SPIRE1: variants seen among roughly 807,000 people sequenced by gnomAD.
The protein encoded by SPIRE1 is protein spire homolog 1.
A neutral mutation model predicts 94.1 loss-of-function variants in SPIRE1; 40 were observed. The observed-to-expected ratio is 0.43, with a 90% CI of 0.33 to 0.55. The LOEUF (loss-of-function observed/expected upper bound fraction) is 0.55. Among genes scored for constraint, SPIRE1 ranks in the 20% least tolerant of loss-of-function variants. The pLI, the probability that SPIRE1 is intolerant of heterozygous loss-of-function variation, is 0.06. For missense variants in SPIRE1, 838 were observed against 975.2 expected (o/e 0.86, Z 1.87); for synonymous variants, 376 against 371.7 (o/e 1.01, Z -0.13).
intron 9 of SPIRE1, 122 bp downstream of exon 9, chr18:12,485,837 C>T (rs758378101): frequency 2.4e-5 from 17 of 717,496 alleles, no homozygotes; most frequent in South Asian, 5.1e-5. Flanking sequence ...TTACTGACCA[C>T]GGCTTAGCAG....
chr18:12,458,370 G>A (rs991697705), intron 12 of SPIRE1, among the ~76,000 whole-genome samples: 6 of 151,712 alleles, frequency 4.0e-5, no homozygotes, highest in African/African-American at 1.5e-4. Context: ...CCAGCACTTT[G>A]GGAGGCCGAG....
intron 8 of SPIRE1, 132 bp downstream of exon 8, chr18:12,492,940 G>A (rs1263206558): frequency 1.9e-6 from 2 of 1,029,108 alleles, no homozygotes; most frequent in Non-Finnish European, 2.8e-6. Flanking sequence ...GAGAGTGAGA[G>A]GGAGAACAAG....
chr18:12,622,418 A>G (rs1376307381), intron 2 of SPIRE1, among the ~76,000 whole-genome samples: 3 of 105,830 alleles, frequency 2.8e-5, no homozygotes, highest in Non-Finnish European at 6.5e-5. Context: ...AGCTATGTCC[A>G]GTCTTTTTTT....
At chr18:12,467,214 G>A (rs1179913495) in intron 10 of SPIRE1, among the ~76,000 whole-genome samples, 1 of 152,106 alleles carries the variant, frequency 6.6e-6, no homozygotes, top group African/African-American at 2.4e-5. Flanking sequence ...GGAGGTGGAG[G>A]TTGCAGTGAG....
chr18:12,477,106 C>G (rs184466643), intron 10 of SPIRE1, among the ~76,000 whole-genome samples: 1 of 152,182 alleles, frequency 6.6e-6, no homozygotes, highest in Admixed American at 6.5e-5. Context: ...AAAAGAGGAC[C>G]ACAAAGAAGG....
chr18:12,525,276 C>CAAAAAA (rs1170791088), intron 4 of SPIRE1, among the ~76,000 whole-genome samples: 91 of 71,370 alleles, frequency 1.3e-3, no homozygotes, highest in South Asian at 1.6e-3. Context: ...GACTCCGTCT[C>CAAAAAA]AAAAAAAAAA....
chr18:12,600,472 CTG>C (rs2036801183), intron 2 of SPIRE1, among the ~76,000 whole-genome samples: 1 of 151,866 alleles, frequency 6.6e-6, no homozygotes, highest in African/African-American at 2.4e-5. Context: ...TCTTTTGAAA[CTG>C]TTAATATCAT....
chr18:12,474,127 A>G (rs774127799), intron 10 of SPIRE1, among the ~76,000 whole-genome samples: 6 of 152,256 alleles, frequency 3.9e-5, no homozygotes, highest in Non-Finnish European at 8.8e-5. Context: ...ATTTACATAC[A>G]CGTGACAGCA....
intron 2 of SPIRE1, among the ~76,000 whole-genome samples, chr18:12,565,801 C>A (rs542882809): frequency 3.7e-4 from 56 of 151,870 alleles, no homozygotes; most frequent in Non-Finnish European, 5.6e-4. Flanking sequence ...TTTGGGAGGC[C>A]GAGGCAGGCA....
intron 4 of SPIRE1, among the ~76,000 whole-genome samples, chr18:12,513,190 T>A (rs544366): frequency 6.6e-6 from 1 of 152,120 alleles, no homozygotes; most frequent in Admixed American, 6.5e-5. Flanking sequence ...ATCAAGTAAT[T>A]TGATGAGTAC....
intron 1 of SPIRE1, among the ~76,000 whole-genome samples, chr18:12,652,602 T>C (rs1194598701): frequency 6.6e-6 from 1 of 151,990 alleles, no homozygotes; most frequent in Non-Finnish European, 1.5e-5. Context: ...TTTATCTTCT[T>C]GGGTCCTATA....
At chr18:12,456,568 T>G (rs891180164) in intron 12 of SPIRE1, among the ~76,000 whole-genome samples, 1 of 152,264 alleles carries the variant, frequency 6.6e-6, no homozygotes, top group Non-Finnish European at 1.5e-5. Flanking sequence ...ACGTAGCAAA[T>G]AACCAGATAG....
intron 1 of SPIRE1, among the ~76,000 whole-genome samples, chr18:12,636,806 A>G (rs1380253764): frequency 3.3e-5 from 5 of 152,358 alleles, no homozygotes; most frequent in Non-Finnish European, 7.3e-5. Context: ...AGTGATTTAT[A>G]ACATACATTT....
chr18:12,569,899 C>T (rs992712588), intron 2 of SPIRE1, among the ~76,000 whole-genome samples: 1 of 152,170 alleles, frequency 6.6e-6, no homozygotes, highest in African/African-American at 2.4e-5. Flanking sequence ...CTAAATAAAA[C>T]CACATATTCT....
rs1285131434 is a variant in SPIRE1 at position 12,447,731 on chromosome 18, A to G, written c.*1907T>C. On this transcript the variant is annotated 3_prime_UTR_variant, in exon 17 of 17. Coordinates refer to ENST00000409402, the MANE Select transcript of SPIRE1 (RefSeq NM_001128626.2). ...GATGTTTGCTTTGTGAATGTGAATG[A>G]AAGTCTTATTTTGGGGGTGTAGTTT... The G allele has an allele frequency of 6.6e-6, 1 of 152,210 alleles. No individual in the cohort carries two copies. The highest frequency in any genetic ancestry group is 2.4e-5 in the African/African-American group (1 of 41,456). 9.4% of individuals were successfully genotyped at this position (152,210 alleles called of 1,614,324 possible).
In SPIRE1 at chr18:12,582,225, CT is replaced by C. The variant is rs5823226; in HGVS notation, c.373-35322del. Among the ~76,000 whole-genome samples the C allele has an allele frequency of 6.8e-3, 1,028 of 152,294 alleles. 22 individuals carry two copies. Among genetic ancestry groups the C allele is most frequent in the Admixed American group, 0.052 (793 of 15,298 alleles). On this transcript the variant is annotated intron_variant, in intron 2 of 16. Coordinates refer to ENST00000409402, the MANE Select transcript of SPIRE1 (RefSeq NM_001128626.2). The stretch of plus-strand genomic sequence containing the variant: ...CTGTAGTTCAACCACACATTCTATG[CT>C]TCAATCCCCTTTGGTTATTTCCAAT...
intron 2 of SPIRE1, among the ~76,000 whole-genome samples, chr18:12,570,675 T>C (rs930385699): frequency 2.6e-5 from 4 of 151,936 alleles, no homozygotes; most frequent in African/African-American, 9.7e-5. Context: ...CAGGCTGGAG[T>C]CCTCCTCACT....
At chr18:12,584,548 G>C (rs2036341907) in intron 2 of SPIRE1, among the ~76,000 whole-genome samples, 1 of 152,028 alleles carries the variant, frequency 6.6e-6, no homozygotes, top group African/African-American at 2.4e-5. Flanking sequence ...TCAAAATTTA[G>C]ACTTGAAAAT....
intron 2 of SPIRE1, among the ~76,000 whole-genome samples, chr18:12,630,210 CCA>C (rs1439218776): frequency 6.6e-6 from 1 of 152,072 alleles, no homozygotes; most frequent in Non-Finnish European, 1.5e-5. Context: ...TCCTAAAACC[CCA>C]GAGAGATAAA....
Sources: allele counts gnomAD v4.1 joint callset (sites outside exome capture counted in the v4.1 genomes callset), GRCh38; gene constraint gnomAD v4.1.1; transcripts MANE v1.5; gene names NCBI Gene and HGNC (gene_info 2026-07-23, HGNC 2026-07-21).